Variants in IGSF11 observed in about 807,000 individuals in gnomAD.
The protein encoded by IGSF11 is immunoglobulin superfamily member 11, also known as CXADR like 1.
A neutral mutation model predicts 41.0 loss-of-function variants in IGSF11; 22 were observed. The ratio of observed to expected loss-of-function variants is 0.54; its 90% CI spans 0.38 to 0.77. The LOEUF (loss-of-function observed/expected upper bound fraction) is 0.77, where lower values mean the gene tolerates loss of function less well. IGSF11 is among the 30% of genes least tolerant of loss of function. The pLI is 0.00. For synonymous variants in IGSF11, 219 were observed against 201.3 expected (o/e 1.09, Z -0.74); for missense variants, 444 against 530.8 (o/e 0.84, Z 1.61).
intron 1 of IGSF11, among the ~76,000 whole-genome samples, chr3:119,000,601 G>A (rs1936721877): frequency 6.8e-6 from 1 of 147,462 alleles, no homozygotes; most frequent in African/African-American, 2.5e-5. Context: ...AATATATTTT[G>A]AATCAAACCA....
intron 1 of IGSF11, among the ~76,000 whole-genome samples, chr3:118,956,483 G>A (rs1944965006): frequency 6.6e-6 from 1 of 152,090 alleles, no homozygotes; most frequent in Non-Finnish European, 1.5e-5. Flanking sequence ...TGAATACTTT[G>A]AGGCTATTAC....
chr3:119,025,639 T>C (rs1939744959), intron 1 of IGSF11, among the ~76,000 whole-genome samples: 1 of 151,972 alleles, frequency 6.6e-6, no homozygotes, highest in Non-Finnish European at 1.5e-5. Flanking sequence ...TTAAAGCCAG[T>C]ATGTTTGACT....
rs568136990 is a variant in IGSF11, at chr3:118,916,641, C to A, written c.580+9460G>T. Among the ~76,000 whole-genome samples, 1,108 of 151,450 alleles carry A rather than the reference C, an allele frequency of 7.3e-3. 4 individuals carry two copies. Among genetic ancestry groups the A allele is most frequent in the African/African-American group, 0.025 (1,042 of 41,020 alleles). On this transcript the variant is annotated intron_variant, in intron 4 of 6. Coordinates refer to ENST00000393775, the MANE Select transcript of IGSF11 (RefSeq NM_001015887.3). ...AGTGACCTACAAAGAGACTTAGACT[C>A]CCAAACATTAATAATGGGAGACTTT...
intron 1 of IGSF11, among the ~76,000 whole-genome samples, chr3:119,033,570 T>C (rs1940621739): frequency 6.6e-6 from 1 of 152,266 alleles, no homozygotes; most frequent in South Asian, 2.1e-4. Context: ...AGTATTAGGT[T>C]ACTTCAAAAT....
chr3:119,043,087 G>A (rs902905806), intron 1 of IGSF11, among the ~76,000 whole-genome samples: 18 of 152,286 alleles, frequency 1.2e-4, no homozygotes, highest in African/African-American at 3.6e-4. Flanking sequence ...GGAACCCAGC[G>A]ACTAGCGTTC....
chr3:119,011,972 T>C (rs1038090065), intron 1 of IGSF11, among the ~76,000 whole-genome samples: 1 of 151,998 alleles, frequency 6.6e-6, no homozygotes, highest in African/African-American at 2.4e-5. Flanking sequence ...TGTGTGTGTA[T>C]ACACACATAT....
intron 1 of IGSF11, among the ~76,000 whole-genome samples, chr3:119,124,224 A>G (rs1392012154): frequency 6.7e-6 from 1 of 149,650 alleles, no homozygotes; most frequent in African/African-American, 2.5e-5. Context: ...CACATTCTGG[A>G]GCTGAAAAAT....
At chr3:118,908,871 T>C (rs925013391) in intron 4 of IGSF11, among the ~76,000 whole-genome samples, 3 of 152,228 alleles carry the variant, frequency 2.0e-5, no homozygotes, top group Non-Finnish European at 2.9e-5. Flanking sequence ...CAGCCTAAGT[T>C]TGAGTCTATT....
rs1161737429 is a variant in IGSF11, at chr3:118,928,502, C to T, written c.424+7G>A. On this transcript the variant is annotated splice_region_variant and intron_variant, in intron 3 of 6. Coordinates refer to ENST00000393775, the MANE Select transcript of IGSF11 (RefSeq NM_001015887.3). ...CCCGAACAGCCAAGGACTCTTGTGT[C>T]ACTCACCTAACACTGTGAGACCGGT... is the stretch of plus-strand genomic sequence containing the variant. 4 of 1,609,168 alleles carry T rather than the reference C, an allele frequency of 2.5e-6. No homozygotes were observed. Among genetic ancestry groups the T allele is most frequent in the African/African-American group, 1.3e-5 (1 of 74,804 alleles).
At chr3:119,132,378 C>CAAA (rs58700219) in intron 1 of IGSF11, among the ~76,000 whole-genome samples, 1 of 39,784 alleles carries the variant, frequency 2.5e-5, no homozygotes, top group African/African-American at 1.1e-4. Context: ...AAACAGAAAG[C>CAAA]AAAAAAAAAA....
chr3:118,913,954 G>C (rs1272753789), intron 4 of IGSF11, among the ~76,000 whole-genome samples: 1 of 152,164 alleles, frequency 6.6e-6, no homozygotes, highest in Non-Finnish European at 1.5e-5. Context: ...ATGGCTAATA[G>C]GAGAGAAGAG....
intron 1 of IGSF11, among the ~76,000 whole-genome samples, chr3:119,005,116 C>A (rs1937357098): frequency 6.7e-6 from 1 of 148,168 alleles, no homozygotes; most frequent in African/African-American, 2.6e-5. Flanking sequence ...TTGTAGGTCA[C>A]TCAGGACTTG....
rs1339620220 is a variant in IGSF11 at position 119,050,606 on chromosome 3, G to C, written c.49+54538C>G. Among the ~76,000 whole-genome samples the C allele has an allele frequency of 5.3e-5, 8 of 151,952 alleles. No homozygotes were observed. The East Asian group carries it at 7.7e-4, about 15-fold the overall frequency. ...AGTGTGGCGATTCCTCAGGGATCTA[G>C]AACTAGAAATACCATTTGACCCAGC... On this transcript the variant is annotated intron_variant, in intron 1 of 6. Transcript: ENST00000354673.
chr3:119,136,937 G>GCAAGCACC (rs1203099922), intron 1 of IGSF11, among the ~76,000 whole-genome samples: 1 of 152,026 alleles, frequency 6.6e-6, no homozygotes, highest in Non-Finnish European at 1.5e-5. Flanking sequence ...TGTGCCAACA[G>GCAAGCACC]CAAGCAATCT....
intron 1 of IGSF11, among the ~76,000 whole-genome samples, chr3:119,043,255 G>C (rs1262980666): frequency 6.6e-6 from 1 of 152,174 alleles, no homozygotes; most frequent in Non-Finnish European, 1.5e-5. Flanking sequence ...GAATGCCTGG[G>C]TTTATATGCC....
intron 1 of IGSF11, among the ~76,000 whole-genome samples, chr3:118,990,817 C>G (rs16829206): frequency 0.025 from 3,708 of 149,664 alleles, 81 homozygotes; most frequent in East Asian, 0.067. Flanking sequence ...CTCATTTTTT[C>G]AACCCAGAGA....
At chr3:118,933,811 C>T (rs1346243590) in intron 1 of IGSF11, among the ~76,000 whole-genome samples, 1 of 152,120 alleles carries the variant, frequency 6.6e-6, no homozygotes, top group Non-Finnish European at 1.5e-5. Context: ...GTTAGAAACT[C>T]CTTCTACTTC....
intron 1 of IGSF11, among the ~76,000 whole-genome samples, chr3:119,071,976 T>G (rs1197292761): frequency 6.6e-6 from 1 of 152,226 alleles, no homozygotes; most frequent in Non-Finnish European, 1.5e-5. Flanking sequence ...TGGAATGTCT[T>G]TCTACTTATT....
chr3:119,085,781 T>G (rs1293206644), intron 1 of IGSF11, among the ~76,000 whole-genome samples: 1 of 152,180 alleles, frequency 6.6e-6, no homozygotes, highest in Non-Finnish European at 1.5e-5. Flanking sequence ...CAGAGCAAGC[T>G]AAGGAAAAGA....
Sources: allele counts gnomAD v4.1 joint callset (sites outside exome capture counted in the v4.1 genomes callset), GRCh38; gene constraint gnomAD v4.1.1; transcripts MANE v1.5; gene names NCBI Gene and HGNC (gene_info 2026-07-23, HGNC 2026-07-21).